The following GRIK2 variants were observed in gnomAD, a reference collection of about 807,000 sequenced individuals.
GRIK2 encodes glutamate receptor ionotropic, kainate 2.
A neutral mutation model predicts 100.3 loss-of-function variants in GRIK2; 32 were observed. That is an observed-to-expected ratio of 0.32 (90% CI 0.24 to 0.43). GRIK2 has a LOEUF of 0.43. GRIK2 is among the 20% of genes least tolerant of loss of function. GRIK2 has a pLI of 1.00. For synonymous variants in GRIK2, 417 were observed against 389.4 expected, an observed-to-expected ratio of 1.07 and a Z score of -0.83; for missense variants, 843 against 1,114.9, an observed-to-expected ratio of 0.76 and a Z score of 3.47.
At chr6:101,613,571 A>G (rs147918265) in intron 2 of GRIK2, among the ~76,000 whole-genome samples, 5 of 151,938 alleles carry the variant, frequency 3.3e-5, no homozygotes, top group African/African-American at 1.2e-4. Flanking sequence ...TTAAAAAAGT[A>G]CATCACAAAC....
chr6:101,408,291 C>G (rs1283690049), intron 2 of GRIK2, among the ~76,000 whole-genome samples: 1 of 151,884 alleles, frequency 6.6e-6, no homozygotes, highest in Non-Finnish European at 1.5e-5. Flanking sequence ...TTAAGAAGTT[C>G]TTGAGCTCAG....
chr6:101,498,906 C>T (rs1773599643), intron 2 of GRIK2, among the ~76,000 whole-genome samples: 1 of 152,046 alleles, frequency 6.6e-6, no homozygotes, highest in African/African-American at 2.4e-5. Context: ...GCTTTTGTTG[C>T]CATTGCTTTT....
intron 10 of GRIK2, among the ~76,000 whole-genome samples, chr6:101,828,671 G>A (rs1782487589): frequency 6.6e-6 from 1 of 151,856 alleles, no homozygotes; most frequent in Non-Finnish European, 1.5e-5. Context: ...AAAATCCAGA[G>A]AAACTGAATA....
At chr6:101,629,654 T>C (rs1780624431) in intron 4 of GRIK2, among the ~76,000 whole-genome samples, 1 of 152,148 alleles carries the variant, frequency 6.6e-6, no homozygotes, top group East Asian at 1.9e-4. Flanking sequence ...TGAAATGTAT[T>C]TATAAATATA....
intron 11 of GRIK2, among the ~76,000 whole-genome samples, chr6:101,884,961 T>C (rs1200685945): frequency 6.6e-6 from 1 of 152,134 alleles, no homozygotes; most frequent in African/African-American, 2.4e-5. Flanking sequence ...AGATAGCTGC[T>C]GTGTAGGTGT....
intron 15 of GRIK2, among the ~76,000 whole-genome samples, chr6:102,045,271 A>C (rs1303001363): frequency 1.3e-5 from 2 of 152,124 alleles, no homozygotes; most frequent in Non-Finnish European, 2.9e-5. Flanking sequence ...AACTATAATA[A>C]ATTAGTCTTC....
intron 10 of GRIK2, among the ~76,000 whole-genome samples, chr6:101,830,852 A>G (rs1782633033): frequency 6.6e-6 from 1 of 152,100 alleles, no homozygotes; most frequent in South Asian, 2.1e-4. Context: ...TGACTCAGCA[A>G]TCTAACACAG....
chr6:101,836,384 T>G (rs1212570121), intron 10 of GRIK2, among the ~76,000 whole-genome samples: 1 of 151,996 alleles, frequency 6.6e-6, no homozygotes, highest in Non-Finnish European at 1.5e-5. Flanking sequence ...TGAATGGAGA[T>G]GACTGTTAGT....
chr6:101,513,160 C>T (rs1229379426), intron 2 of GRIK2, among the ~76,000 whole-genome samples: 3 of 152,076 alleles, frequency 2.0e-5, no homozygotes, highest in African/African-American at 7.2e-5. Flanking sequence ...AGGCATGAGA[C>T]ATCAATCAAA....
At chr6:101,668,433 A>G (rs572515112) in intron 4 of GRIK2, among the ~76,000 whole-genome samples, 1 of 152,310 alleles carries the variant, frequency 6.6e-6, no homozygotes, top group South Asian at 2.1e-4. Context: ...GCCACACATT[A>G]CAAAATCCAT....
intron 2 of GRIK2, among the ~76,000 whole-genome samples, chr6:101,586,179 G>A (rs1009115756): frequency 6.6e-6 from 1 of 151,722 alleles, no homozygotes; most frequent in African/African-American, 2.4e-5. Flanking sequence ...CATAAATTTG[G>A]AACTGAAACG....
intron 2 of GRIK2, among the ~76,000 whole-genome samples, chr6:101,602,115 G>A (rs1282146520): frequency 6.6e-6 from 1 of 151,598 alleles, no homozygotes; most frequent in Non-Finnish European, 1.5e-5. Flanking sequence ...TTTGGTATAT[G>A]TTGTGTATCT....
rs560954675 is a variant in GRIK2 at position 101,750,728 on chromosome 6, A to G, written c.952-48920A>G. The stretch of plus-strand genomic sequence containing the variant: ...AGTAGCTGAATGCTCAGAGAGAGAG[A>G]GAAAGAGAAGGGTTGTAACTATATA... On this transcript the variant is annotated intron_variant, in intron 7 of 16. Transcript: ENST00000369134. Among the ~76,000 whole-genome samples, 30 of 152,298 alleles carry G rather than the reference A, an allele frequency of 2.0e-4. 1 individual carries two copies. The highest frequency in any genetic ancestry group is 4.1e-4 in the Non-Finnish European group (28 of 68,028).
chr6:101,910,306 A>G (rs1265290543), intron 12 of GRIK2, among the ~76,000 whole-genome samples: 1 of 151,242 alleles, frequency 6.6e-6, no homozygotes, highest in African/African-American at 2.4e-5. Flanking sequence ...CTATCTAGCA[A>G]TATGGCCCAA....
chr6:101,727,742 G>C (rs1774972354), intron 7 of GRIK2, among the ~76,000 whole-genome samples: 1 of 151,956 alleles, frequency 6.6e-6, no homozygotes, highest in Non-Finnish European at 1.5e-5. Flanking sequence ...AAGAGAAGAG[G>C]TGATAATGTG....
intron 7 of GRIK2, among the ~76,000 whole-genome samples, chr6:101,788,352 C>A (rs1343532768): frequency 1.3e-5 from 2 of 151,870 alleles, no homozygotes; most frequent in Admixed American, 6.6e-5. Flanking sequence ...AATGCTATCC[C>A]TCCCCCCTGC....
At chr6:101,814,599 A>G (rs925557288) in intron 9 of GRIK2, among the ~76,000 whole-genome samples, 1 of 152,140 alleles carries the variant, frequency 6.6e-6, no homozygotes, top group Non-Finnish European at 1.5e-5. Context: ...AGGGAAAGAT[A>G]ACAAGTAGAG....
intron 14 of GRIK2, among the ~76,000 whole-genome samples, chr6:101,937,649 A>C (rs1050652191): frequency 2.0e-5 from 3 of 152,184 alleles, no homozygotes; most frequent in Non-Finnish European, 4.4e-5. Context: ...TGCTGAATAG[A>C]AGCATCATTT....
chr6:102,055,663 C>A, intron 16 of GRIK2, 83 bp downstream of exon 16: 1 of 909,834 alleles, frequency 1.1e-6, no homozygotes, highest in Non-Finnish European at 1.7e-6. Flanking sequence ...TTTTATGTTA[C>A]CAACTAATGA....
Sources: gnomAD v4.1 joint callset for allele counts (sites outside exome capture counted in the v4.1 genomes callset) on GRCh38, gnomAD v4.1.1 for gene constraint, MANE v1.5 for transcripts, NCBI Gene and HGNC (gene_info 2026-07-23, HGNC 2026-07-21) for gene names.